The following ZNF385B variants were observed in gnomAD, a reference collection of about 807,000 sequenced individuals.
The protein encoded by ZNF385B is zinc finger protein 385B.
ZNF385B carries 23 observed loss-of-function variants against 39.2 expected under a neutral mutation model. The ratio of observed to expected loss-of-function variants is 0.59; its 90% CI spans 0.42 to 0.83. The LOEUF is 0.83. Ranked by LOEUF, ZNF385B falls within the 40% of genes least tolerant of loss-of-function variation. The probability of loss-of-function intolerance (pLI) is 0.00; values close to 1 mark genes in which losing one functional copy is unlikely to be tolerated. For missense variants in ZNF385B, 552 were observed against 598.9 expected, an observed-to-expected ratio of 0.92 and a Z score of 0.82; for synonymous variants, 205 against 222.6, an observed-to-expected ratio of 0.92 and a Z score of 0.70.
intron 6 of ZNF385B, among the ~76,000 whole-genome samples, chr2:179,455,752 C>T (rs557353251): frequency 6.6e-6 from 1 of 151,604 alleles, no homozygotes; most frequent in African/African-American, 2.4e-5. Flanking sequence ...ATTAGCTAGG[C>T]ATGTTGGCGC....
chr2:179,713,713 GTA>G (rs1478115292), intron 3 of ZNF385B, among the ~76,000 whole-genome samples: 1 of 152,162 alleles, frequency 6.6e-6, no homozygotes, highest in Admixed American at 6.6e-5. Context: ...TTCTTAATAA[GTA>G]TTAATGATTG....
In ZNF385B at chr2:179,856,987, C is replaced by T. The variant is rs73973774; in HGVS notation, c.-155+4114G>A. Reference sequence around the variant, plus strand: ...ATCTACTGCACCTTGCTTCTCAAAGCGTGGTTCAAGGATCACCTATTTCAA... The same window carrying T: ...ATCTACTGCACCTTGCTTCTCAAAGTGTGGTTCAAGGATCACCTATTTCAA... On this transcript the variant is annotated intron_variant, in intron 1 of 9. Transcript: ENST00000410066. 5.6e-3 allele frequency among the ~76,000 whole-genome samples: 850 copies of T among 152,268 alleles called. 8 individuals carry two copies. Among genetic ancestry groups the T allele is most frequent in the African/African-American group, 0.019 (797 of 41,544 alleles).
intron 3 of ZNF385B, among the ~76,000 whole-genome samples, chr2:179,760,072 G>A (rs1188070679): frequency 9.0e-5 from 13 of 144,018 alleles, no homozygotes; most frequent in South Asian, 4.4e-4. Flanking sequence ...TTTTTGAGAC[G>A]GAGTCTCACT....
chr2:179,636,901 G>A (rs185486294), intron 3 of ZNF385B, among the ~76,000 whole-genome samples: 21 of 152,188 alleles, frequency 1.4e-4, no homozygotes, highest in African/African-American at 3.9e-4. Flanking sequence ...TATTGCATTG[G>A]TGGAGTGAAT....
chr2:179,492,275 T>G (rs1269510511), intron 5 of ZNF385B, among the ~76,000 whole-genome samples: 2 of 152,176 alleles, frequency 1.3e-5, no homozygotes, highest in Non-Finnish European at 1.5e-5. Flanking sequence ...GAAAACAGAC[T>G]GCCATTGTGT....
At chr2:179,855,948 C>T (rs1421004130) in intron 1 of ZNF385B, among the ~76,000 whole-genome samples, 1 of 152,170 alleles carries the variant, frequency 6.6e-6, no homozygotes, top group African/African-American at 2.4e-5. Context: ...GTGGCTAAGC[C>T]ATGGTTTGAC....
chr2:179,833,896 CA>C (rs1217995797), intron 1 of ZNF385B, among the ~76,000 whole-genome samples: 1 of 151,968 alleles, frequency 6.6e-6, no homozygotes, highest in African/African-American at 2.4e-5. Flanking sequence ...ATTCTAAGGG[CA>C]AAAAGAACTG....
intron 6 of ZNF385B, among the ~76,000 whole-genome samples, chr2:179,474,053 CG>C: frequency 6.6e-6 from 1 of 151,788 alleles, no homozygotes; most frequent in East Asian, 1.9e-4. Context: ...AAATGGCACT[CG>C]GGAATCATAC....
At chr2:179,602,797 G>A (rs4894111) in intron 3 of ZNF385B, among the ~76,000 whole-genome samples, 37,560 of 151,978 alleles carry the variant, frequency 0.25, 5,741 homozygotes, top group Non-Finnish European at 0.33. Flanking sequence ...TTACATTAGA[G>A]AACAAACTCT....
rs182590851 is a variant in ZNF385B, at chr2:179,501,010, A to G, written c.552+17518T>C. On this transcript the variant is annotated intron_variant, in intron 5 of 9. Transcript: ENST00000410066. The stretch of plus-strand genomic sequence containing the variant: ...GAAAAGGTGTTCAACATCATTGATC[A>G]TCAGAGAAATGCAAATCAAAATTAT... 1.6e-4 allele frequency among the ~76,000 whole-genome samples: 24 copies of G among 152,360 alleles called. 1 individual carries two copies. Among genetic ancestry groups the G allele is most frequent in the African/African-American group, 5.8e-4 (24 of 41,584 alleles).
At chr2:179,479,227 A>G (rs1246430678) in intron 6 of ZNF385B, among the ~76,000 whole-genome samples, 1 of 152,202 alleles carries the variant, frequency 6.6e-6, no homozygotes, top group Non-Finnish European at 1.5e-5. Context: ...TTTTTGAATC[A>G]TGTAGTTAGA....
intron 3 of ZNF385B, among the ~76,000 whole-genome samples, chr2:179,602,501 T>A (rs1011765092): frequency 2.1e-4 from 30 of 140,732 alleles, no homozygotes; most frequent in African/African-American, 8.3e-4. Flanking sequence ...ACCCAGCTTC[T>A]TTTTTTTTTA....
chr2:179,818,024 G>A (rs1707175630), intron 1 of ZNF385B, among the ~76,000 whole-genome samples: 1 of 152,042 alleles, frequency 6.6e-6, no homozygotes, highest in Non-Finnish European at 1.5e-5. Context: ...GGAGAAGACT[G>A]TGTGTGGCAG....
chr2:179,612,785 G>A (rs1224991220), intron 3 of ZNF385B, among the ~76,000 whole-genome samples: 7 of 152,104 alleles, frequency 4.6e-5, no homozygotes, highest in East Asian at 1.9e-4. Flanking sequence ...GTGGGCTGGC[G>A]GCAAAGCCAG....
intron 1 of ZNF385B, among the ~76,000 whole-genome samples, chr2:179,805,986 G>C (rs183927569): frequency 1.0e-3 from 153 of 152,268 alleles, no homozygotes; most frequent in African/African-American, 3.6e-3. Flanking sequence ...ATATGGGAGA[G>C]TATCTTTAAT....
chr2:179,800,602 A>T (rs2106553867), intron 1 of ZNF385B, among the ~76,000 whole-genome samples: 1 of 152,220 alleles, frequency 6.6e-6, no homozygotes, highest in East Asian at 1.9e-4. Flanking sequence ...CTTTTCAATT[A>T]AATCTTGCAT....
At chr2:179,792,391 T>TG (rs397986828) in intron 1 of ZNF385B, among the ~76,000 whole-genome samples, 1 of 148,738 alleles carries the variant, frequency 6.7e-6, no homozygotes, top group Non-Finnish European at 1.5e-5. Context: ...TTTTTTTTTT[T>TG]GAGACAGAGT....
At chr2:179,648,826 C>G (rs1456169751) in intron 3 of ZNF385B, among the ~76,000 whole-genome samples, 2 of 152,080 alleles carry the variant, frequency 1.3e-5, no homozygotes, top group African/African-American at 2.4e-5. Context: ...GGGGTTATAA[C>G]TCATTGAATA....
intron 3 of ZNF385B, among the ~76,000 whole-genome samples, chr2:179,583,459 T>C (rs1410174343): frequency 1.3e-5 from 2 of 152,186 alleles, no homozygotes; most frequent in Non-Finnish European, 2.9e-5. Flanking sequence ...ACTTTATATA[T>C]TTTCATTTAT....
Sources: gnomAD v4.1 joint callset for allele counts (sites outside exome capture counted in the v4.1 genomes callset) on GRCh38, gnomAD v4.1.1 for gene constraint, MANE v1.5 for transcripts, NCBI Gene and HGNC (gene_info 2026-07-23, HGNC 2026-07-21) for gene names.